The following SLC7A6 variants were observed in gnomAD, a reference collection of about 807,000 sequenced individuals.
The protein encoded by SLC7A6 is solute carrier family 7 member 6, also known as Y+L amino acid transporter 2.
A neutral mutation model predicts 46.6 loss-of-function variants in SLC7A6; 29 were observed. That is an observed-to-expected ratio of 0.62 (90% CI 0.46 to 0.85). SLC7A6 has a LOEUF of 0.85. Among genes scored for constraint, SLC7A6 ranks in the 40% least tolerant of loss-of-function variants. The pLI is 0.00. For missense variants in SLC7A6, 527 were observed against 647.6 expected, an observed-to-expected ratio of 0.81 and a Z score of 2.02; for synonymous variants, 276 against 257.3, an observed-to-expected ratio of 1.07 and a Z score of -0.70.
At chr16:68,284,015 G>C (rs1227632966) in intron 3 of SLC7A6, among the ~76,000 whole-genome samples, 1 of 151,986 alleles carries the variant, frequency 6.6e-6, no homozygotes, top group Non-Finnish European at 1.5e-5. Flanking sequence ...ACTGTTCTAG[G>C]AGCTCTCTGT....
chr16:68,277,978 C>T (rs558963878), intron 3 of SLC7A6, among the ~76,000 whole-genome samples: 12 of 150,156 alleles, frequency 8.0e-5, no homozygotes, highest in Admixed American at 4.0e-4. Context: ...CTTGCTCTGT[C>T]GCCTAGGCTG....
At chr16:68,286,113 AAG>A (rs1567590103) in intron 3 of SLC7A6, among the ~76,000 whole-genome samples, 1 of 150,858 alleles carries the variant, frequency 6.6e-6, no homozygotes, top group Admixed American at 6.6e-5. Context: ...AAAAAAAAAA[AAG>A]AAGGAAAGAA....
Position 68,301,007 on chromosome 16 carries a change from G to C in SLC7A6, c.*3679G>C. On this transcript the variant is annotated 3_prime_UTR_variant, in exon 11 of 11. Coordinates refer to ENST00000219343, the MANE Select transcript of SLC7A6 (RefSeq NM_003983.6). ...CCTGGGCCAAGAAGCTAAAGCTAAA[G>C]AAACCTTCCTTTTTTCAACGTTTTT... 2 of 1,106,120 alleles carry C rather than the reference G, an allele frequency of 1.8e-6. No individual in the cohort carries two copies. Among genetic ancestry groups the C allele is most frequent in the Non-Finnish European group, 2.2e-6 (2 of 908,720 alleles). 68.5% of individuals were successfully genotyped at this position (1,106,120 alleles called of 1,614,324 possible).
rs943205055 is a variant in SLC7A6, at chr16:68,298,893, G to C, written c.*1565G>C. ...GACATACCCCATGGGCTTATCCTTAGGTTTTGGAATTGGTCAACAGTGAGG... is the reference window on the plus strand; with the variant it reads ...GACATACCCCATGGGCTTATCCTTACGTTTTGGAATTGGTCAACAGTGAGG... On this transcript the variant is annotated 3_prime_UTR_variant, in exon 11 of 11. Transcript: ENST00000219343. The C allele has an allele frequency of 6.6e-6, 1 of 152,628 alleles. No individual in the cohort carries two copies. Among genetic ancestry groups the C allele is most frequent in the Non-Finnish European group, 1.5e-5 (1 of 68,072 alleles). 9.5% of individuals were successfully genotyped at this position (152,628 alleles called of 1,614,324 possible). A position where few individuals can be genotyped will look rare whatever the true frequency, so the allele number is the denominator to read the frequency against.
In SLC7A6 at chr16:68,296,358, C is replaced by G. The variant is rs764551377; in HGVS notation, c.1120-6C>G. 18 of 1,613,886 alleles carry G rather than the reference C, an allele frequency of 1.1e-5. No individual in the cohort carries two copies. The highest frequency in any genetic ancestry group is 1.5e-5 in the Non-Finnish European group (18 of 1,180,010). Reference sequence around the variant, plus strand: ...GCTCACCTGTCTCCCCACCCCTTTCCCACAGTGCACCATGGCACTCATCTA... The same window carrying G: ...GCTCACCTGTCTCCCCACCCCTTTCGCACAGTGCACCATGGCACTCATCTA... On this transcript the variant is annotated splice_region_variant and splice_polypyrimidine_tract_variant and intron_variant, in intron 8 of 10. Transcript: ENST00000219343.
At chr16:68,281,507 G>A (rs2042829254) in intron 3 of SLC7A6, among the ~76,000 whole-genome samples, 1 of 152,168 alleles carries the variant, frequency 6.6e-6, no homozygotes, top group Admixed American at 6.5e-5. Context: ...TGTCTTAAGG[G>A]TGCACTCTGT....
intron 3 of SLC7A6, among the ~76,000 whole-genome samples, chr16:68,283,701 A>G (rs1201451919): frequency 6.6e-6 from 1 of 152,192 alleles, no homozygotes; most frequent in Non-Finnish European, 1.5e-5. Context: ...TTTCTCAGCA[A>G]TAAGCTCCCA....
intron 1 of SLC7A6, among the ~76,000 whole-genome samples, chr16:68,266,377 T>G (rs2042534645): frequency 6.6e-6 from 1 of 152,236 alleles, no homozygotes; most frequent in Non-Finnish European, 1.5e-5. Context: ...TTGGGCTGGC[T>G]ACTTCAGTTA....
rs1446788311 is a variant in SLC7A6 at position 68,300,176 on chromosome 16, GAAAT to G, written c.*2852_*2855del. 6.6e-6 allele frequency: 1 copy of G among 152,192 alleles called. No homozygotes were observed. Among genetic ancestry groups the G allele is most frequent in the Non-Finnish European group, 1.5e-5 (1 of 68,044 alleles). The allele number at this position is 152,192 out of a possible 1,614,324, so 9.4% of individuals were successfully genotyped here. On this transcript the variant is annotated 3_prime_UTR_variant, in exon 11 of 11. Transcript: ENST00000219343. ...CACGTGTAGCTAATTACATTAAAAT[GAAAT>G]AAAATTAAAAGCTCAGTTTCTCAGT...
chr16:68,280,849 G>A (rs902520510), intron 3 of SLC7A6, among the ~76,000 whole-genome samples: 1 of 151,942 alleles, frequency 6.6e-6, no homozygotes, highest in Non-Finnish European at 1.5e-5. Context: ...ATTCTCCTGC[G>A]TCAGCCTCCT....
At position 68,299,849 on chromosome 16, in the gene SLC7A6, T is replaced by C. The variant is rs1186227905; in HGVS notation, c.*2521T>C. On this transcript the variant is annotated 3_prime_UTR_variant, in exon 11 of 11. Coordinates refer to ENST00000219343, the MANE Select transcript of SLC7A6 (RefSeq NM_003983.6). ...TTTGTTGTTTTAATTAGCTGCAATA[T>C]ATACGGCCTGTGTACACAGAATTTA... 6.6e-6 allele frequency: 1 copy of C among 152,210 alleles called. No individual in the cohort carries two copies. Among genetic ancestry groups the C allele is most frequent in the East Asian group, 1.9e-4 (1 of 5,202 alleles). The allele number at this position is 152,210 out of a possible 1,614,324, so 9.4% of individuals were successfully genotyped here.
Position 68,300,807 on chromosome 16 carries a change from CTG to C in SLC7A6, c.*3481_*3482del, listed in dbSNP as rs2043256943. On this transcript the variant is annotated 3_prime_UTR_variant, in exon 11 of 11. Transcript: ENST00000219343. Reference sequence around the variant, plus strand: ...GCCCTAATGGCCATTACTATCCAGTCTGTATTGCTACAAGGGACCCACTGGTA... The same window carrying C: ...GCCCTAATGGCCATTACTATCCAGTCTATTGCTACAAGGGACCCACTGGTA... The C allele has an allele frequency of 1.0e-6, 1 of 985,750 alleles. No homozygotes were observed. The highest frequency in any genetic ancestry group is 6.1e-5 in the Admixed American group (1 of 16,304). 61.1% of individuals were successfully genotyped at this position (985,750 alleles called of 1,614,324 possible).
Position 68,266,694 on chromosome 16 carries a change from A to G in SLC7A6, c.-64A>G, listed in dbSNP as rs2042538192. ...CATTTATGAGGAGGTGGCTTATGAA[A>G]GTGTGATGTTCGCGTATTTCTTGAC... On this transcript the variant is annotated 5_prime_UTR_variant, in exon 2 of 11. Coordinates refer to ENST00000219343, the MANE Select transcript of SLC7A6 (RefSeq NM_003983.6). 6.6e-6 allele frequency: 1 copy of G among 152,030 alleles called. No individual in the cohort carries two copies. Among genetic ancestry groups the G allele is most frequent in the South Asian group, 2.1e-4 (1 of 4,822 alleles). The allele number at this position is 152,030 out of a possible 1,614,324, so 9.4% of individuals were successfully genotyped here. A position where few individuals can be genotyped will look rare whatever the true frequency, so the allele number is the denominator to read the frequency against.
intron 4 of SLC7A6, among the ~76,000 whole-genome samples, chr16:68,289,185 C>T (rs7206885): frequency 0.57 from 85,773 of 151,168 alleles, 24,579 homozygotes; most frequent in East Asian, 0.81. Context: ...CCCAGCTACT[C>T]GGGAGGCTGA....
chr16:68,300,667 T>A lies in SLC7A6; in HGVS notation c.*3339T>A. On this transcript the variant is annotated 3_prime_UTR_variant, in exon 11 of 11. Coordinates refer to ENST00000219343, the MANE Select transcript of SLC7A6 (RefSeq NM_003983.6). ...AACACATGTATCACATTCATATATA[T>A]TGTTTCTTGGCCCCACTGCCAAAGG... 2 of 985,512 alleles carry A rather than the reference T, an allele frequency of 2.0e-6. No homozygotes were observed. Among genetic ancestry groups the A allele is most frequent in the Non-Finnish European group, 2.4e-6 (2 of 829,962 alleles). The allele number at this position is 985,512 out of a possible 1,614,324, so 61.0% of individuals were successfully genotyped here.
intron 3 of SLC7A6, among the ~76,000 whole-genome samples, chr16:68,280,029 C>T (rs1370318558): frequency 1.3e-5 from 2 of 152,224 alleles, no homozygotes; most frequent in African/African-American, 2.4e-5. Flanking sequence ...TAGGGTTCAG[C>T]TTACTTCCCT....
intron 1 of SLC7A6, among the ~76,000 whole-genome samples, chr16:68,265,989 G>A (rs1012779656): frequency 6.6e-6 from 1 of 152,140 alleles, no homozygotes; most frequent in Non-Finnish European, 1.5e-5. Context: ...GGCCGGGCGC[G>A]GTGGCTCAGT....
At chr16:68,286,991 CCT>C (rs1491495058) in intron 3 of SLC7A6, among the ~76,000 whole-genome samples, 1 of 148,144 alleles carries the variant, frequency 6.8e-6, no homozygotes, top group Non-Finnish European at 1.5e-5. Flanking sequence ...TTCTTTTTCT[CCT>C]TTTTTTTTTT....
chr16:68,296,471 C>G lies in SLC7A6; in HGVS notation c.1227C>G (p.Leu409=). ...TGGGCCTGTCTGTTGTTGGACAGCT[C>G]TACCTCCGCTGGAAGGAGCCCAAGC... ...FFVGLSVVGQ[L]YLRWKEPKRP... Residue 409 remains leucine, a synonymous_variant, in exon 9 of 11, where the codon CTC becomes CTG. Coordinates refer to ENST00000219343, the MANE Select transcript of SLC7A6 (RefSeq NM_003983.6). 5 of 1,614,178 alleles carry G rather than the reference C, an allele frequency of 3.1e-6. No homozygotes were observed. The highest frequency in any genetic ancestry group is 4.2e-6 in the Non-Finnish European group (5 of 1,180,032).
Sources: allele counts gnomAD v4.1 joint callset (sites outside exome capture counted in the v4.1 genomes callset), GRCh38; gene constraint gnomAD v4.1.1; transcripts MANE v1.5; gene names NCBI Gene and HGNC (gene_info 2026-07-23, HGNC 2026-07-21).